Variants in ACTR3C observed in about 807,000 individuals in gnomAD.
ACTR3C encodes actin-related protein 3C.
In ACTR3C, 18 loss-of-function variants were observed where a neutral mutation model predicts 26.3. The observed-to-expected ratio is 0.68, with a 90% CI of 0.47 to 1.01. ACTR3C has a LOEUF of 1.01. Ranked by LOEUF, ACTR3C falls within the 50% of genes least tolerant of loss-of-function variation. The probability of loss-of-function intolerance (pLI) is 0.00; values close to 1 mark genes in which losing one functional copy is unlikely to be tolerated. For missense variants in ACTR3C, 184 were observed against 250.7 expected (o/e 0.73, Z 1.80); for synonymous variants, 55 against 94.5 (o/e 0.58, Z 2.42).
At chr7:150,102,598 T>G in the ACTR3C span, among the ~76,000 whole-genome samples, 1 of 152,120 alleles carries the variant, frequency 6.6e-6, no homozygotes, top group Non-Finnish European at 1.5e-5. Context: ...TCCTTCCAAT[T>G]CTCACAGTCG....
chr7:150,192,394 G>C, the ACTR3C span, among the ~76,000 whole-genome samples: 13 of 152,118 alleles, frequency 8.5e-5, no homozygotes, highest in South Asian at 1.9e-3. Context: ...GAACTCCTGG[G>C]CTCAAGAGAT....
the ACTR3C span, among the ~76,000 whole-genome samples, chr7:150,161,216 A>T: frequency 7.8e-6 from 1 of 128,716 alleles, no homozygotes; most frequent in African/African-American, 3.3e-5. Context: ...ATATATATAT[A>T]TATATATATT....
chr7:150,041,844 G>C, the ACTR3C span, among the ~76,000 whole-genome samples: 3 of 139,998 alleles, frequency 2.1e-5, no homozygotes, highest in Admixed American at 1.4e-4. Context: ...GTGGAAGAGG[G>C]GATAGCTCTC....
At chr7:150,218,981 C>T in the ACTR3C span, among the ~76,000 whole-genome samples, 1 of 151,856 alleles carries the variant, frequency 6.6e-6, no homozygotes, top group Non-Finnish European at 1.5e-5. Flanking sequence ...GAACAGAGAT[C>T]AGAGAAATGA....
At chr7:149,924,157 C>T in the ACTR3C span, among the ~76,000 whole-genome samples, 1 of 151,138 alleles carries the variant, frequency 6.6e-6, no homozygotes, top group Non-Finnish European at 1.5e-5. Context: ...GGGTGGCTCA[C>T]CTGAGGTCAG....
rs1230208327 is a variant in ACTR3C at position 150,323,382 on chromosome 7, G to A, written c.-52+87C>T. ...GCTCAGGCCTGCGGCGCTGGGAGAAGCACGCTGGCCAACAAGTTGGGTGGT... is the reference window on the plus strand; with the variant it reads ...GCTCAGGCCTGCGGCGCTGGGAGAAACACGCTGGCCAACAAGTTGGGTGGT... On this transcript the variant is annotated intron_variant, in intron 1 of 7. Transcript: ENST00000683684. 1.0e-5 allele frequency: 3 copies of A among 295,250 alleles called. No homozygotes were observed. The East Asian group carries it at 4.6e-4, about 46-fold the overall frequency. 18.3% of individuals were successfully genotyped at this position (295,250 alleles called of 1,614,324 possible). A position where few individuals can be genotyped will look rare whatever the true frequency, so the allele number is the denominator to read the frequency against.
the ACTR3C span, among the ~76,000 whole-genome samples, chr7:150,014,317 A>C: frequency 6.6e-6 from 1 of 152,038 alleles, no homozygotes; most frequent in South Asian, 2.1e-4. Context: ...TTAGCTGGGC[A>C]TGGTGGCGGG....
chr7:150,007,473 C>G, the ACTR3C span, among the ~76,000 whole-genome samples: 1 of 152,184 alleles, frequency 6.6e-6, no homozygotes, highest in African/African-American at 2.4e-5. Flanking sequence ...GGTTCTGACA[C>G]TTGATAATTG....
At chr7:150,006,197 T>TATTTATTTATTTATTTATTTAATTA in the ACTR3C span, among the ~76,000 whole-genome samples, 3 of 150,134 alleles carry the variant, frequency 2.0e-5, no homozygotes, top group Non-Finnish European at 4.4e-5. Flanking sequence ...TTTATTTATT[T>TATTTATTTATTTATTTATTTAATTA]ATTTATTTAT....
At chr7:150,317,710 G>A (rs891360604) in intron 1 of ACTR3C, among the ~76,000 whole-genome samples, 2 of 152,246 alleles carry the variant, frequency 1.3e-5, no homozygotes, top group Middle Eastern at 6.8e-3. Context: ...TGAGGTTGAG[G>A]TGGATATATC....
the ACTR3C span, among the ~76,000 whole-genome samples, chr7:150,045,725 T>C: frequency 1.3e-5 from 2 of 152,122 alleles, no homozygotes; most frequent in Non-Finnish European, 2.9e-5. Context: ...AAGAAGGACA[T>C]GTATACTCCA....
the ACTR3C span, among the ~76,000 whole-genome samples, chr7:150,086,317 CT>C: frequency 6.6e-6 from 1 of 152,214 alleles, no homozygotes; most frequent in Admixed American, 6.5e-5. Context: ...AGTGAAATAG[CT>C]TATTCATGGT....
chr7:150,064,394 C>A, the ACTR3C span, among the ~76,000 whole-genome samples: 1 of 142,430 alleles, frequency 7.0e-6, no homozygotes, highest in Non-Finnish European at 1.5e-5. Flanking sequence ...CCGCCCCCAA[C>A]CCCCCGCTAA....
chr7:150,253,409 T>C (rs1584837116), intron 6 of ACTR3C, among the ~76,000 whole-genome samples: 1 of 152,172 alleles, frequency 6.6e-6, no homozygotes, highest in Admixed American at 6.5e-5. Context: ...TACCCGATTT[T>C]AATATTTTTT....
chr7:150,226,233 C>A, the ACTR3C span, among the ~76,000 whole-genome samples: 1 of 152,170 alleles, frequency 6.6e-6, no homozygotes, highest in Non-Finnish European at 1.5e-5. Context: ...ATTGCTGGAT[C>A]ATATGGTGAG....
the ACTR3C span, among the ~76,000 whole-genome samples, chr7:149,939,353 A>G: frequency 6.6e-6 from 1 of 152,240 alleles, no homozygotes; most frequent in South Asian, 2.1e-4. Flanking sequence ...AGCAAAAATC[A>G]TTGAACATAT....
chr7:149,967,028 A>ATTTTTTTTTTTTTTTTTTT, the ACTR3C span, among the ~76,000 whole-genome samples: 1 of 64,706 alleles, frequency 1.5e-5, no homozygotes, highest in Non-Finnish European at 2.9e-5. Flanking sequence ...TGCACAGCTA[A>ATTTTTTTTTTTTTTTTTTT]TTTTTTTTTT....
intron 3 of ACTR3C, among the ~76,000 whole-genome samples, chr7:150,292,875 G>T (rs1417210074): frequency 1.3e-5 from 2 of 152,276 alleles, no homozygotes; most frequent in East Asian, 3.9e-4. Flanking sequence ...AGAGAACACA[G>T]ATGTGCTCCT....
the ACTR3C span, among the ~76,000 whole-genome samples, chr7:150,010,608 C>T: frequency 8.6e-5 from 13 of 150,306 alleles, no homozygotes; most frequent in Admixed American, 1.3e-4. Context: ...GCAGGAGAAT[C>T]GCTTGAACCT....
Sources: allele counts gnomAD v4.1 joint callset (sites outside exome capture counted in the v4.1 genomes callset), GRCh38; gene constraint gnomAD v4.1.1; transcripts MANE v1.5; gene names NCBI Gene and HGNC (gene_info 2026-07-23, HGNC 2026-07-21).